Variants in KNDC1 observed in about 807,000 individuals in gnomAD.
KNDC1 encodes the protein kinase non-catalytic C-lobe domain-containing protein 1.
Under a neutral mutation model 172.8 loss-of-function variants are expected in KNDC1, and 106 were observed. The observed-to-expected ratio is 0.61, with a 90% CI of 0.52 to 0.72. KNDC1 has a LOEUF of 0.72. Ranked by LOEUF, KNDC1 falls within the 30% of genes least tolerant of loss-of-function variation. The probability of loss-of-function intolerance (pLI) is 0.00; values close to 1 mark genes in which losing one functional copy is unlikely to be tolerated. For missense variants in KNDC1, 2,325 were observed against 2,394.5 expected (o/e 0.97, Z 0.61); for synonymous variants, 1,083 against 1,062.2 (o/e 1.02, Z -0.38).
intron 3 of KNDC1, among the ~76,000 whole-genome samples, chr10:133,179,662 C>T (rs1441410837): frequency 1.3e-5 from 2 of 152,214 alleles, no homozygotes; most frequent in Admixed American, 1.3e-4. Flanking sequence ...TTTTCACGTC[C>T]ACTTCACGTG....
intron 2 of KNDC1, among the ~76,000 whole-genome samples, chr10:133,167,862 G>T (rs1382748412): frequency 1.3e-5 from 2 of 152,330 alleles, no homozygotes; most frequent in Non-Finnish European, 1.5e-5. Flanking sequence ...CCTAAGGGCA[G>T]GCTATGCCCC....
At chr10:133,178,086 G>A (rs577387003) in intron 3 of KNDC1, among the ~76,000 whole-genome samples, 53 of 150,566 alleles carry the variant, frequency 3.5e-4, no homozygotes, top group African/African-American at 1.2e-3. Flanking sequence ...GTGCAGTTTG[G>A]TGTGTGTGCA....
chr10:133,222,536 C>CGT (rs577540424), intron 29 of KNDC1, among the ~76,000 whole-genome samples: 1 of 20,090 alleles, frequency 5.0e-5, no homozygotes, highest in Admixed American at 6.3e-4. Context: ...CTCTTCCCGG[C>CGT]GTGTGTGTGT....
intron 6 of KNDC1, among the ~76,000 whole-genome samples, chr10:133,187,553 C>T (rs990972756): frequency 5.9e-5 from 9 of 152,258 alleles, no homozygotes; most frequent in Admixed American, 2.0e-4. Flanking sequence ...AGGACAAGGG[C>T]GCAGTGCCCC....
chr10:133,163,354 T>A lies in KNDC1; in HGVS notation c.102+2785T>A, dbSNP rs1853039392. On this transcript the variant is annotated intron_variant, in intron 1 of 29. Transcript: ENST00000304613. This position sits in a 1 kb window ranked among gnomAD's most constrained non-coding sequence, Gnocchi z 4.4. ...CCGGTGTCAGGCTGGGCTCAGAATC[T>A]GAGGCTGGACAGGATGCAGTTGCTC... Among the ~76,000 whole-genome samples the A allele has an allele frequency of 6.6e-6, 1 of 152,110 alleles. No homozygotes were observed. Among genetic ancestry groups the A allele is most frequent in the Non-Finnish European group, 1.5e-5 (1 of 68,024 alleles).
chr10:133,217,726 A>G (rs896800456), intron 26 of KNDC1, among the ~76,000 whole-genome samples: 1 of 152,092 alleles, frequency 6.6e-6, no homozygotes, highest in African/African-American at 2.4e-5. Flanking sequence ...TGGGAGTCCA[A>G]GGCGGGTGGA....
In KNDC1 at chr10:133,186,195, C is replaced by G. The variant is rs1388942538; in HGVS notation, c.847C>G (p.Leu283Val). The part of the protein sequence containing the change: ...HSREGLAGLV[L>V]DAERTLGELD... ...CCGGGAGGGGCTGGCCGGCCTCGTC[C>G]TGGATGCCGAGCGCACCCTCGGGGA... The change falls in exon 6 of 30, where the codon CTG becomes GTG. Residue 283 changes from leucine (L) to valine (V), a missense_variant. Leu to Val is a conservative substitution (Grantham distance 32). Coordinates refer to ENST00000304613, the MANE Select transcript of KNDC1 (RefSeq NM_152643.8). 1.3e-6 allele frequency: 2 copies of G among 1,573,214 alleles called. No individual in the cohort carries two copies. The highest frequency in any genetic ancestry group is 1.4e-5 in the African/African-American group (1 of 73,950).
Position 133,198,872 on chromosome 10 carries a change from G to A in KNDC1, c.2364G>A (p.Lys788=). 2 of 1,598,290 alleles carry A rather than the reference G, an allele frequency of 1.3e-6. No homozygotes were observed. Among genetic ancestry groups the A allele is most frequent in the South Asian group, 1.1e-5 (1 of 89,816 alleles). Residue 788 remains lysine (K), a synonymous_variant, in exon 14 of 30, where the codon AAG becomes AAA. Transcript: ENST00000304613. The part of the protein sequence containing the change: ...PGSPVPAPPT[K]ASALPVEQGP... Reference sequence around the variant, plus strand: ...CTCCAGTCCCCGCCCCGCCCACGAAGGCATCTGCGCTGCCCGTAGAGCAAG... The same window carrying A: ...CTCCAGTCCCCGCCCCGCCCACGAAAGCATCTGCGCTGCCCGTAGAGCAAG...
In KNDC1 at chr10:133,198,857, CG is replaced by C; in HGVS notation, c.2350del (p.Ala784ProfsTer11). The part of the protein sequence containing the change: ...SSAAPGSPVP[A>X]PPTKASALPV... ...CGGCAGCTCCCGGCTCTCCAGTCCCCGCCCCGCCCACGAAGGCATCTGCGCT... is the reference window on the plus strand; with the variant it reads ...CGGCAGCTCCCGGCTCTCCAGTCCCCCCCCGCCCACGAAGGCATCTGCGCT... On this transcript the variant is annotated frameshift_variant, in exon 14 of 30. Coordinates refer to ENST00000304613, the MANE Select transcript of KNDC1 (RefSeq NM_152643.8). LOFTEE classifies it high-confidence loss of function. 6.3e-7 allele frequency: 1 copy of C among 1,598,928 alleles called. No homozygotes were observed.
At chr10:133,178,876 T>C (rs1853634517) in intron 3 of KNDC1, 1 of 152,154 alleles carries the variant, frequency 6.6e-6, no homozygotes, top group African/African-American at 2.4e-5. Flanking sequence ...GCCACAGTAG[T>C]CCTCACCTTG....
chr10:133,164,588 TG>T (rs1287588279), intron 1 of KNDC1, among the ~76,000 whole-genome samples: 2 of 152,232 alleles, frequency 1.3e-5, no homozygotes, highest in African/African-American at 4.8e-5. Context: ...ATTAAACTCC[TG>T]TCGAGGCCAC....
At chr10:133,162,916 G>T (rs1162015489) in intron 1 of KNDC1, among the ~76,000 whole-genome samples, 1 of 152,250 alleles carries the variant, frequency 6.6e-6, no homozygotes, top group East Asian at 1.9e-4. Context: ...CAGAGCATCA[G>T]CAAGTGGGCC....
intron 24 of KNDC1, 115 bp downstream of exon 24, chr10:133,213,037 G>A: frequency 1.1e-6 from 1 of 948,504 alleles, no homozygotes; most frequent in Admixed American, 2.7e-5. Context: ...GCAGAGAAGG[G>A]GCCAGCTGCC....
At chr10:133,183,515 C>T (rs1218587977) in intron 4 of KNDC1, 25 bp downstream of exon 4, 1 of 1,582,322 alleles carries the variant, frequency 6.3e-7, no homozygotes, top group Non-Finnish European at 8.6e-7. Context: ...CCTGGGCCAC[C>T]CCAGGCTGTG....
intron 29 of KNDC1, among the ~76,000 whole-genome samples, chr10:133,221,602 G>C (rs899241696): frequency 5.3e-5 from 8 of 152,218 alleles, no homozygotes; most frequent in African/African-American, 1.4e-4. Flanking sequence ...CCTCCCCCAC[G>C]GTAGATGGCC....
At chr10:133,178,376 C>G (rs894967993) in intron 3 of KNDC1, among the ~76,000 whole-genome samples, 5 of 152,170 alleles carry the variant, frequency 3.3e-5, no homozygotes, top group African/African-American at 1.2e-4. Context: ...ACATTTTAAA[C>G]ATACAGAAAA....
intron 3 of KNDC1, among the ~76,000 whole-genome samples, chr10:133,177,957 A>G (rs1348775883): frequency 7.0e-6 from 1 of 143,314 alleles, no homozygotes; most frequent in Admixed American, 6.9e-5. Context: ...GTGTAGCATG[A>G]TGTATGTGTG....
At chr10:133,171,436 A>G (rs1204202642) in intron 3 of KNDC1, among the ~76,000 whole-genome samples, 9 of 151,902 alleles carry the variant, frequency 5.9e-5, no homozygotes, top group Non-Finnish European at 1.3e-4. Context: ...ATGTCCAGCT[A>G]ATTTTTTAAA....
chr10:133,210,386 A>G (rs1483249823), intron 20 of KNDC1, among the ~76,000 whole-genome samples: 1 of 147,702 alleles, frequency 6.8e-6, no homozygotes, highest in African/African-American at 2.6e-5. Context: ...AAAAAAAAAA[A>G]AAAGGCCCTG....
Sources: gnomAD v4.1 joint callset for allele counts (sites outside exome capture counted in the v4.1 genomes callset) on GRCh38, gnomAD v4.1.1 for gene constraint, Gnocchi (gnomAD v3.1) non-coding constraint, MANE v1.5 for transcripts, NCBI Gene and HGNC (gene_info 2026-07-23, HGNC 2026-07-21) for gene names.